Variants in IRF8 observed in about 807,000 individuals in gnomAD.
IRF8 encodes interferon regulatory factor 8.
In IRF8, 14 loss-of-function variants were observed where a neutral mutation model predicts 48.7. The observed-to-expected ratio is 0.29, with a 90% CI of 0.19 to 0.45. The LOEUF is 0.45. Among genes scored for constraint, IRF8 ranks in the 20% least tolerant of loss-of-function variants. The pLI is 1.00. For synonymous variants in IRF8, 278 were observed against 227.3 expected (o/e 1.22, Z -2.01); for missense variants, 493 against 580.7 (o/e 0.85, Z 1.55).
Position 85,921,092 on chromosome 16 carries a change from C to T in IRF8, c.1105-14C>T. 1 of 1,607,622 alleles carries T rather than the reference C, an allele frequency of 6.2e-7. No individual in the cohort carries two copies. The highest frequency in any genetic ancestry group is 2.2e-5 in the East Asian group (1 of 44,552). On this transcript the variant is annotated splice_polypyrimidine_tract_variant and intron_variant, in intron 8 of 8. Coordinates refer to ENST00000268638, the MANE Select transcript of IRF8 (RefSeq NM_002163.4). Reference sequence around the variant, plus strand: ...CTCCGCCTCTGCCTCTGACTTTCTGCACCTCCCATCTAGATTGAGCAGCTG... The same window carrying T: ...CTCCGCCTCTGCCTCTGACTTTCTGTACCTCCCATCTAGATTGAGCAGCTG...
Position 85,913,215 on chromosome 16 carries a change from T to A in IRF8, c.532T>A (p.Trp178Arg), listed in dbSNP as rs1905197110. The change falls in exon 5 of 9, where the codon TGG (tryptophan) becomes AGG (arginine). Residue 178 changes from tryptophan to arginine, a missense_variant. Around this residue, in one of 3 missense-constraint regions of IRF8, gnomAD observed 408 missense variants for 449.6 expected, o/e 0.91. Coordinates refer to ENST00000268638, the MANE Select transcript of IRF8 (RefSeq NM_002163.4). ...ACRSQLLPDW[W>R]AQQPSTGVPL... ...TCGGAGTCAGCTCCTTCCAGACTGGTGGGCGCAGCAGCCCAGCACAGGTGA... is the reference window on the plus strand; with the variant it reads ...TCGGAGTCAGCTCCTTCCAGACTGGAGGGCGCAGCAGCCCAGCACAGGTGA... The A allele has an allele frequency of 6.2e-7, 1 of 1,613,520 alleles. No individual in the cohort carries two copies. Among genetic ancestry groups the A allele is most frequent in the Non-Finnish European group, 8.5e-7 (1 of 1,179,648 alleles).
At chr16:85,918,007 G>T (rs1905373562) in intron 6 of IRF8, among the ~76,000 whole-genome samples, 1 of 152,190 alleles carries the variant, frequency 6.6e-6, no homozygotes, top group Non-Finnish European at 1.5e-5. Context: ...ATTTCCTTTT[G>T]TTATGAATGT....
At position 85,921,580 on chromosome 16, in the gene IRF8, G is replaced by A. The variant is rs149189791; in HGVS notation, c.*298G>A. 15 of 406,022 alleles carry A rather than the reference G, an allele frequency of 3.7e-5. No homozygotes were observed. The highest frequency in any genetic ancestry group is 1.1e-4 in the East Asian group (2 of 18,958). The allele number at this position is 406,022 out of a possible 1,614,324, so 25.2% of individuals were successfully genotyped here. ...TTGCTATGATTCTTTCTGCATTTTC[G>A]GTTAACTATCATTTCCAAAGACTTG... is the stretch of plus-strand genomic sequence containing the variant. On this transcript the variant is annotated 3_prime_UTR_variant, in exon 9 of 9. Coordinates refer to ENST00000268638, the MANE Select transcript of IRF8 (RefSeq NM_002163.4).
intron 6 of IRF8, among the ~76,000 whole-genome samples, chr16:85,917,581 A>G (rs759662320): frequency 1.6e-4 from 24 of 152,234 alleles, no homozygotes; most frequent in Non-Finnish European, 2.8e-4. Flanking sequence ...AGAATTGATT[A>G]AGATTGTATT....
chr16:85,918,573 C>T lies in IRF8; in HGVS notation c.758C>T (p.Pro253Leu), dbSNP rs2143045703. The T allele has an allele frequency of 6.2e-7, 1 of 1,604,768 alleles. No individual in the cohort carries two copies. Among genetic ancestry groups the T allele is most frequent in the Non-Finnish European group, 8.5e-7 (1 of 1,179,190 alleles). The change falls in exon 7 of 9, where the codon CCG becomes CTG. Residue 253 changes from proline (P) to leucine (L), a missense_variant. Around this residue, in one of 3 missense-constraint regions of IRF8, gnomAD observed 408 missense variants for 449.6 expected, o/e 0.91. Coordinates refer to ENST00000268638, the MANE Select transcript of IRF8 (RefSeq NM_002163.4). ...GAGGGCCTGGAGCTGGTGCGCTTCC[C>T]GCCGGCCGACGCCATCCCCAGCGAG... ...GPEGLELVRF[P>L]PADAIPSERQ...
intron 5 of IRF8, 63 bp from the exon 6 acceptor site, chr16:85,914,409 TG>T (rs1905234415): frequency 1.3e-6 from 2 of 1,597,092 alleles, no homozygotes; most frequent in Non-Finnish European, 1.7e-6. Context: ...AAGGAGCGAT[TG>T]GGGTTACTCC....
chr16:85,920,079 T>G (rs1905490440), intron 7 of IRF8, 30 bp from the exon 8 acceptor site: 1 of 1,560,594 alleles, frequency 6.4e-7, no homozygotes, highest in African/African-American at 1.4e-5. Flanking sequence ...CGGCCTTGCT[T>G]GCAAACACCC....
At chr16:85,906,809 C>G (rs1192720706) in intron 2 of IRF8, among the ~76,000 whole-genome samples, 1 of 152,046 alleles carries the variant, frequency 6.6e-6, no homozygotes, top group Non-Finnish European at 1.5e-5. Flanking sequence ...GTTGTCACAG[C>G]TAGGGGAGGG....
chr16:85,914,766 C>A (rs114099865), intron 6 of IRF8, among the ~76,000 whole-genome samples: 1 of 150,948 alleles, frequency 6.6e-6, no homozygotes, highest in African/African-American at 2.4e-5. Context: ...GTCGAGGCTC[C>A]GTTCCGAGGA....
At chr16:85,901,927 A>G (rs77282910) in intron 1 of IRF8, among the ~76,000 whole-genome samples, 1 of 131,052 alleles carries the variant, frequency 7.6e-6, no homozygotes, top group Non-Finnish European at 1.7e-5. Flanking sequence ...CAAAAATGCT[A>G]TTTTTTTTTT....
intron 6 of IRF8, among the ~76,000 whole-genome samples, chr16:85,915,873 T>G (rs1298395873): frequency 6.6e-6 from 1 of 152,192 alleles, no homozygotes; most frequent in Non-Finnish European, 1.5e-5. Context: ...CACTGCCTCA[T>G]GCACAGAACA....
intron 2 of IRF8, chr16:85,903,532 AGGCGATGCAT>A (rs2152098847): frequency 2.9e-6 from 1 of 347,362 alleles, no homozygotes; most frequent in Non-Finnish European, 5.5e-6. Flanking sequence ...CTTCCATTAG[AGGCGATGCAT>A]ATACCAGGGA....
rs1018206107 is a variant in IRF8, at chr16:85,921,461, G to C, written c.*179G>C. Reference sequence around the variant, plus strand: ...ACGTTTAATACGAAGTGGCGGCATAGCCCTGCCGAGATGTCGGTGATGGCC... The same window carrying C: ...ACGTTTAATACGAAGTGGCGGCATACCCCTGCCGAGATGTCGGTGATGGCC... On this transcript the variant is annotated 3_prime_UTR_variant, in exon 9 of 9. Coordinates refer to ENST00000268638, the MANE Select transcript of IRF8 (RefSeq NM_002163.4). 20 of 695,598 alleles carry C rather than the reference G, an allele frequency of 2.9e-5. No homozygotes were observed. Among genetic ancestry groups the C allele is most frequent in the Middle Eastern group, 3.6e-4 (1 of 2,814 alleles). 43.1% of individuals were successfully genotyped at this position (695,598 alleles called of 1,614,324 possible). A position where few individuals can be genotyped will look rare whatever the true frequency, so the allele number is the denominator to read the frequency against.
In IRF8 at chr16:85,915,888, T is replaced by G. The variant is rs543184371; in HGVS notation, c.601+1368T>G. The stretch of plus-strand genomic sequence containing the variant: ...CACTGCCTCATGCACAGAACATCCT[T>G]CTAGAAGCTGTGAGCTTTGGTACCT... On this transcript the variant is annotated intron_variant, in intron 6 of 8. Coordinates refer to ENST00000268638, the MANE Select transcript of IRF8 (RefSeq NM_002163.4). Among the ~76,000 whole-genome samples the G allele has an allele frequency of 8.5e-5, 13 of 152,254 alleles. No homozygotes were observed. In the East Asian group the frequency reaches 2.5e-3, roughly 29 times the overall value.
chr16:85,906,579 C>T (rs992126984), intron 2 of IRF8, among the ~76,000 whole-genome samples: 1 of 152,220 alleles, frequency 6.6e-6, no homozygotes, highest in African/African-American at 2.4e-5. Flanking sequence ...CCTGGACTTG[C>T]TCGTGGGGTG....
chr16:85,911,777 A>G, intron 4 of IRF8, 119 bp downstream of exon 4: 1 of 789,316 alleles, frequency 1.3e-6, no homozygotes, highest in South Asian at 1.4e-5. Context: ...CTCGCTGAGG[A>G]AGTGGCATCT....
rs376692640 is a variant in IRF8 at position 85,918,595 on chromosome 16, C to T, written c.780C>T (p.Ser260=). 49 of 1,606,944 alleles carry T rather than the reference C, an allele frequency of 3.0e-5. No individual in the cohort carries two copies. Among genetic ancestry groups the T allele is most frequent in the African/African-American group, 1.3e-4 (10 of 75,046 alleles). Residue 260 remains serine (S), a synonymous_variant, in exon 7 of 9, where the codon AGC becomes AGT. Transcript: ENST00000268638. ...TCCCGCCGGCCGACGCCATCCCCAG[C>T]GAGCGACAGAGGCAGGTGACGCGGA... is the stretch of plus-strand genomic sequence containing the variant. The part of the protein sequence containing the change: ...VRFPPADAIP[S]ERQRQVTRKL...
intron 2 of IRF8, 34 bp from the exon 3 acceptor site, chr16:85,908,956 C>T (rs774201109): frequency 6.3e-7 from 1 of 1,583,542 alleles, no homozygotes; most frequent in East Asian, 2.2e-5. Flanking sequence ...TGGAGTCGGC[C>T]ATGAATTTAA....
intron 2 of IRF8, among the ~76,000 whole-genome samples, chr16:85,906,053 G>C (rs1056318196): frequency 2.0e-5 from 3 of 152,116 alleles, no homozygotes; most frequent in Admixed American, 6.5e-5. Flanking sequence ...TTGACATGAC[G>C]ACAAGGGGGG....
Sources: gnomAD v4.1 joint callset for allele counts (sites outside exome capture counted in the v4.1 genomes callset) on GRCh38, gnomAD v4.1.1 for gene constraint, gnomAD v4.1.1 regional missense constraint, MANE v1.5 for transcripts, NCBI Gene and HGNC (gene_info 2026-07-23, HGNC 2026-07-21) for gene names.